Variants in DRC8 observed in about 807,000 individuals in gnomAD.
The protein encoded by DRC8 is dynein regulatory complex subunit 8.
the DRC8 span, among the ~76,000 whole-genome samples, chr1:245,047,417 T>G: frequency 6.6e-6 from 1 of 152,004 alleles, no homozygotes. Context: ...GGTGGATCAC[T>G]TGAGGCCAAG....
chr1:244,978,273 C>T, the DRC8 span, among the ~76,000 whole-genome samples: 2 of 152,066 alleles, frequency 1.3e-5, no homozygotes, highest in African/African-American at 4.8e-5. Context: ...GCTGGCGGAT[C>T]GCCTGAGGTT....
At chr1:244,977,534 AAAT>A in the DRC8 span, among the ~76,000 whole-genome samples, 1 of 152,144 alleles carries the variant, frequency 6.6e-6, no homozygotes, top group Non-Finnish European at 1.5e-5. Flanking sequence ...AAAATAAAAT[AAAT>A]AATAATAAAG....
chr1:245,018,383 T>A, the DRC8 span, among the ~76,000 whole-genome samples: 1 of 152,152 alleles, frequency 6.6e-6, no homozygotes, highest in African/African-American at 2.4e-5. Flanking sequence ...GGAAAGGAAC[T>A]GTTTGATGCT....
the DRC8 span, among the ~76,000 whole-genome samples, chr1:244,983,520 A>T: frequency 1.3e-5 from 2 of 152,084 alleles, no homozygotes; most frequent in Non-Finnish European, 2.9e-5. Context: ...TGGGCGGACC[A>T]CTTGAGGTCA....
chr1:245,018,503 C>T, the DRC8 span, among the ~76,000 whole-genome samples: 2 of 152,062 alleles, frequency 1.3e-5, no homozygotes, highest in African/African-American at 4.8e-5. Context: ...TGTGGGTATC[C>T]CAGTAGGAAA....
At chr1:245,052,743 T>G in the DRC8 span, among the ~76,000 whole-genome samples, 6 of 152,156 alleles carry the variant, frequency 3.9e-5, no homozygotes, top group Non-Finnish European at 7.3e-5. Context: ...TTTTAGAATG[T>G]GAGAGTGAGA....
the DRC8 span, among the ~76,000 whole-genome samples, chr1:245,049,274 C>T: frequency 2.6e-5 from 4 of 152,296 alleles, no homozygotes; most frequent in South Asian, 4.1e-4. This position sits in a 1 kb window ranked among gnomAD's most constrained non-coding sequence, Gnocchi z 4.5. Context: ...CATGAGCCAC[C>T]GTGCCCAGCC....
At chr1:245,002,600 C>T in the DRC8 span, among the ~76,000 whole-genome samples, 2 of 151,074 alleles carry the variant, frequency 1.3e-5, no homozygotes, top group Non-Finnish European at 3.0e-5. Context: ...TCTCGGCTCA[C>T]TTTGACTTCC....
the DRC8 span, among the ~76,000 whole-genome samples, chr1:245,050,099 G>C: frequency 6.6e-6 from 1 of 152,166 alleles, no homozygotes; most frequent in African/African-American, 2.4e-5. Context: ...TGGTATAAGG[G>C]GAGAGGGATG....
chr1:245,082,686 C>CTTTTATTTTATTTTA, the DRC8 span, among the ~76,000 whole-genome samples: 3 of 149,888 alleles, frequency 2.0e-5, no homozygotes, highest in East Asian at 2.0e-4. Context: ...ATGTTAGCAG[C>CTTTTATTTTATTTTA]TTTTATTTTA....
At chr1:245,106,841 ACCAGCCTGGCTGG>A in the DRC8 span, among the ~76,000 whole-genome samples, 1 of 152,162 alleles carries the variant, frequency 6.6e-6, no homozygotes, top group Non-Finnish European at 1.5e-5. Flanking sequence ...GGTGTTTGAG[ACCAGCCTGGCTGG>A]CCAACATGGC....
chr1:244,981,458 A>AT, the DRC8 span, among the ~76,000 whole-genome samples: 1 of 152,084 alleles, frequency 6.6e-6, no homozygotes, highest in African/African-American at 2.4e-5. Flanking sequence ...ACTGGGCTGA[A>AT]TGTTTTACGT....
the DRC8 span, among the ~76,000 whole-genome samples, chr1:245,041,090 C>T: frequency 6.6e-6 from 1 of 152,108 alleles, no homozygotes; most frequent in African/African-American, 2.4e-5. Flanking sequence ...ACGTTCTGGT[C>T]AGGGAGTGCG....
At chr1:245,002,366 A>G in the DRC8 span, 2 of 716,536 alleles carry the variant, frequency 2.8e-6, no homozygotes, top group Non-Finnish European at 4.8e-6. Flanking sequence ...TACTCTATAA[A>G]TCTTCATTTG....
the DRC8 span, among the ~76,000 whole-genome samples, chr1:245,048,956 C>A: frequency 6.7e-6 from 1 of 149,876 alleles, no homozygotes; most frequent in African/African-American, 2.5e-5. Context: ...GTGTGCACCG[C>A]TGGGGTCTTC....
At chr1:245,021,238 T>C in the DRC8 span, among the ~76,000 whole-genome samples, 5 of 152,086 alleles carry the variant, frequency 3.3e-5, no homozygotes, top group Admixed American at 3.3e-4. Flanking sequence ...TATAGATGCA[T>C]ATAACTCACA....
At chr1:245,075,746 A>G in the DRC8 span, 1 of 152,174 alleles carries the variant, frequency 6.6e-6, no homozygotes, top group Admixed American at 6.5e-5. Flanking sequence ...CTTTTAAATT[A>G]TTACTCCACG....
chr1:245,093,697 CAA>C, the DRC8 span, among the ~76,000 whole-genome samples: 21 of 68,382 alleles, frequency 3.1e-4, no homozygotes, highest in Admixed American at 3.4e-4. Flanking sequence ...CTCCATCTCA[CAA>C]AAAAAAAAAA....
the DRC8 span, among the ~76,000 whole-genome samples, chr1:245,075,415 CA>C: frequency 6.6e-6 from 1 of 152,230 alleles, no homozygotes; most frequent in South Asian, 2.1e-4. Flanking sequence ...AAAAGTCCCA[CA>C]GTATTTATTG....
Sources: allele counts gnomAD v4.1 joint callset (sites outside exome capture counted in the v4.1 genomes callset), GRCh38; gene constraint gnomAD v4.1.1; non-coding constraint Gnocchi (gnomAD v3.1); transcripts MANE v1.5; gene names NCBI Gene and HGNC (gene_info 2026-07-23, HGNC 2026-07-21).